Variants in HYCC2 observed in about 807,000 individuals in gnomAD.
The protein encoded by HYCC2 is hyccin PI4KA lipid kinase complex subunit 2, also known as hyccin 2.
the HYCC2 span, chr2:200,987,265 C>T: frequency 1.9e-6 from 2 of 1,080,680 alleles, no homozygotes; most frequent in Non-Finnish European, 2.4e-6. Context: ...GTACTAGAAA[C>T]ACACATTAGA....
chr2:201,024,619 C>T, the HYCC2 span, among the ~76,000 whole-genome samples: 2 of 152,198 alleles, frequency 1.3e-5, no homozygotes, highest in Non-Finnish European at 2.9e-5. Flanking sequence ...TCAAGTTGCA[C>T]ATTATCCAGA....
At chr2:201,046,169 A>G in the HYCC2 span, among the ~76,000 whole-genome samples, 1 of 152,218 alleles carries the variant, frequency 6.6e-6, no homozygotes, top group Non-Finnish European at 1.5e-5. Context: ...AAACACATTA[A>G]AAGATTTTGT....
chr2:201,039,943 G>C, the HYCC2 span, among the ~76,000 whole-genome samples: 1 of 152,160 alleles, frequency 6.6e-6, no homozygotes, highest in Non-Finnish European at 1.5e-5. Context: ...GGGAGGCCGA[G>C]GTGGGCAGAT....
chr2:201,062,652 C>CA, the HYCC2 span, among the ~76,000 whole-genome samples: 1,127 of 81,718 alleles, frequency 0.014, 15 homozygotes, highest in African/African-American at 0.043. Context: ...CTCTGTCTCA[C>CA]AAAAAAAAAA....
the HYCC2 span, chr2:200,996,258 G>A: frequency 6.6e-6 from 1 of 152,120 alleles, no homozygotes; most frequent in East Asian, 1.9e-4. Flanking sequence ...TCAAACTCCT[G>A]ACCTCAGGCC....
the HYCC2 span, among the ~76,000 whole-genome samples, chr2:201,034,302 C>CAT: frequency 2.9e-3 from 434 of 152,280 alleles, 2 homozygotes; most frequent in African/African-American, 0.01. Flanking sequence ...GTTTTGGGTG[C>CAT]ATATATATTT....
At chr2:201,063,782 C>T in the HYCC2 span, 10 of 1,586,200 alleles carry the variant, frequency 6.3e-6, no homozygotes, top group East Asian at 1.1e-4. Flanking sequence ...TGGTGGCAGC[C>T]GTGGTGGTGG....
chr2:201,003,203 T>C, the HYCC2 span, among the ~76,000 whole-genome samples: 11 of 151,950 alleles, frequency 7.2e-5, no homozygotes, highest in Admixed American at 5.2e-4. Context: ...CCTAGGACCA[T>C]AGGCATGTAT....
At chr2:200,998,039 AAATC>A in the HYCC2 span, among the ~76,000 whole-genome samples, 126 of 152,308 alleles carry the variant, frequency 8.3e-4, 2 homozygotes, top group South Asian at 0.024. Flanking sequence ...CCATCTCAAA[AAATC>A]AATCAATCAA....
At chr2:201,057,895 A>G in the HYCC2 span, among the ~76,000 whole-genome samples, 5 of 152,204 alleles carry the variant, frequency 3.3e-5, no homozygotes, top group Non-Finnish European at 7.3e-5. Flanking sequence ...ATATGGATCT[A>G]TCGGTTTGGC....
At chr2:201,043,058 A>G in the HYCC2 span, among the ~76,000 whole-genome samples, 1 of 152,348 alleles carries the variant, frequency 6.6e-6, no homozygotes, top group East Asian at 1.9e-4. Flanking sequence ...AAGTAGACAT[A>G]GGAGACTCCA....
the HYCC2 span, among the ~76,000 whole-genome samples, chr2:201,042,556 T>A: frequency 7.6e-6 from 1 of 131,288 alleles, no homozygotes; most frequent in Non-Finnish European, 1.6e-5. Context: ...GTGAGGAGCG[T>A]CTCTGACCAG....
the HYCC2 span, among the ~76,000 whole-genome samples, chr2:201,034,491 T>C: frequency 6.6e-6 from 1 of 152,160 alleles, no homozygotes; most frequent in Non-Finnish European, 1.5e-5. Flanking sequence ...ATTTTGAGCC[T>C]ATGTGTGTCT....
chr2:201,061,127 G>C, the HYCC2 span, among the ~76,000 whole-genome samples: 1 of 151,330 alleles, frequency 6.6e-6, no homozygotes, highest in African/African-American at 2.4e-5. Context: ...TTTAAAACTT[G>C]TTCAAATTAA....
the HYCC2 span, among the ~76,000 whole-genome samples, chr2:201,015,515 C>T: frequency 1.3e-5 from 2 of 152,142 alleles, no homozygotes; most frequent in African/African-American, 4.8e-5. Context: ...GTCCATTTGC[C>T]TCACTCTTCT....
chr2:200,992,620 G>A, the HYCC2 span, among the ~76,000 whole-genome samples: 1 of 152,102 alleles, frequency 6.6e-6, no homozygotes, highest in East Asian at 1.9e-4. Flanking sequence ...TCTTTTCAAT[G>A]CGTTCATGAA....
chr2:201,002,381 T>C, the HYCC2 span, among the ~76,000 whole-genome samples: 3 of 152,002 alleles, frequency 2.0e-5, no homozygotes, highest in Non-Finnish European at 2.9e-5. Flanking sequence ...ACTATCAGAT[T>C]GGTAAAGATT....
chr2:201,034,164 A>G, the HYCC2 span, among the ~76,000 whole-genome samples: 1 of 152,186 alleles, frequency 6.6e-6, no homozygotes, highest in Admixed American at 6.5e-5. Flanking sequence ...ATCATAACAC[A>G]TATTTCCCAA....
At chr2:201,005,016 C>CAAA in the HYCC2 span, among the ~76,000 whole-genome samples, 11 of 56,492 alleles carry the variant, frequency 1.9e-4, no homozygotes, top group Non-Finnish European at 2.5e-4. Context: ...GACTCCATCT[C>CAAA]AAAAAAAAAA....
Sources: allele counts gnomAD v4.1 joint callset (sites outside exome capture counted in the v4.1 genomes callset), GRCh38; gene constraint gnomAD v4.1.1; transcripts MANE v1.5; gene names NCBI Gene and HGNC (gene_info 2026-07-23, HGNC 2026-07-21).